Variants in ZNF835 observed in about 807,000 individuals in gnomAD.
The protein encoded by ZNF835 is zinc finger protein 835.
For synonymous variants in ZNF835, 323 were observed against 324.7 expected (o/e 0.99, Z 0.06); for missense variants, 783 against 758.4 (o/e 1.03, Z -0.38).
rs1658159865 is a variant in ZNF835, at chr19:56,664,476, C to T, written c.723G>A (p.Gln241=). ...AGGGCTTCTCACCGGTGTGGATGCG[C>T]TGGTGCTCTATCAGGGACGAGCGGT... ...FRNRSSLIEH[Q]RIHTGEKPYE... The change falls in exon 2 of 2, where the codon CAG becomes CAA. Residue 241 remains glutamine, a synonymous_variant. Coordinates refer to ENST00000537055, the MANE Select transcript of ZNF835 (RefSeq NM_001005850.3). 6.2e-7 allele frequency: 1 copy of T among 1,612,570 alleles called. No individual in the cohort carries two copies. Among genetic ancestry groups the T allele is most frequent in the African/African-American group, 1.3e-5 (1 of 74,666 alleles).
rs755880909 is a variant in ZNF835, at chr19:56,664,479, G to C, written c.720C>G (p.His240Gln). 3 of 1,612,516 alleles carry C rather than the reference G, an allele frequency of 1.9e-6. No homozygotes were observed. Reference sequence around the variant, plus strand: ...GCTTCTCACCGGTGTGGATGCGCTGGTGCTCTATCAGGGACGAGCGGTTGC... The same window carrying C: ...GCTTCTCACCGGTGTGGATGCGCTGCTGCTCTATCAGGGACGAGCGGTTGC... ...AFRNRSSLIE[H>Q]QRIHTGEKPY... is the part of the protein sequence containing the mutation. The change falls in exon 2 of 2, where the codon CAC (histidine) becomes CAG (glutamine). Residue 240 changes from histidine to glutamine, a missense_variant. Transcript: ENST00000537055.
rs1423159517 is a variant in ZNF835, at chr19:56,663,909, G to T, written c.1290C>A (p.Gly430=). Residue 430 remains glycine, a synonymous_variant, in exon 2 of 2, where the codon GGC becomes GGA. Transcript: ENST00000537055. The part of the protein sequence containing the change: ...CGECGKAFSQ[G]SSLALHQRTH... ...TGCGCTGGTGCAGGGCGAGCGAGGA[G>T]CCCTGGCTGAAAGCTTTGCCGCACT... The T allele has an allele frequency of 6.8e-6, 11 of 1,610,486 alleles. No individual in the cohort carries two copies. The highest frequency in any genetic ancestry group is 2.7e-5 in the African/African-American group (2 of 74,018).
rs749539152 is a variant in ZNF835, at chr19:56,664,201, G to A, written c.998C>T (p.Pro333Leu). 6.2e-7 allele frequency: 1 copy of A among 1,606,110 alleles called. No homozygotes were observed. Among genetic ancestry groups the A allele is most frequent in the South Asian group, 1.1e-5 (1 of 90,260 alleles). Residue 333 changes from proline to leucine, a missense_variant, in exon 2 of 2, where the codon CCC becomes CTC. By Grantham distance (98) the Pro-to-Leu change is moderately conservative. Coordinates refer to ENST00000537055, the MANE Select transcript of ZNF835 (RefSeq NM_001005850.3). ...CTTGGCGCACTGGCCGCACGCGTAG[G>A]GCTTCTCGCCTGTGTGGATGCGCCG... ...EHRRIHTGEKPYACGQCAKAF... is the reference protein window; with the variant it reads ...EHRRIHTGEKLYACGQCAKAF...
chr19:56,663,753 G>C lies in ZNF835; in HGVS notation c.1446C>G (p.Ala482=). ...GGATGAGCGCGGAGGAGAAGCTGAA[G>C]GCCTTCCCGCAGCCGCTGCACTCGT... ...KPYECSGCGK[A]FSFSSALIRH... is the part of the protein sequence containing the mutation. Residue 482 remains alanine (A), a synonymous_variant, in exon 2 of 2, where the codon GCC becomes GCG. Transcript: ENST00000537055. The C allele has an allele frequency of 6.2e-7, 1 of 1,613,970 alleles. No homozygotes were observed. The highest frequency in any genetic ancestry group is 1.1e-5 in the South Asian group (1 of 91,084).
Position 56,662,985 on chromosome 19 carries a change from C to T in ZNF835, c.*600G>A, listed in dbSNP as rs2148050890. ...CCATCCTAGCCAACATGGTGAAACC[C>T]CGCCTCTACTAAAATACAAAAAAAC... On this transcript the variant is annotated 3_prime_UTR_variant, in exon 2 of 2. Transcript: ENST00000537055. 6.5e-6 allele frequency: 1 copy of T among 152,796 alleles called. No individual in the cohort carries two copies. The highest frequency in any genetic ancestry group is 1.9e-4 in the East Asian group (1 of 5,174). 9.5% of individuals were successfully genotyped at this position (152,796 alleles called of 1,614,324 possible).
intron 1 of ZNF835, among the ~76,000 whole-genome samples, chr19:56,670,504 G>A (rs1236388010): frequency 6.6e-6 from 1 of 152,070 alleles, no homozygotes; most frequent in Non-Finnish European, 1.5e-5. Flanking sequence ...ACTCACACAT[G>A]CACACAGGGT....
intron 1 of ZNF835, among the ~76,000 whole-genome samples, chr19:56,670,057 G>A (rs1201043138): frequency 4.3e-5 from 1 of 23,044 alleles, no homozygotes; most frequent in Non-Finnish European, 8.5e-5. Context: ...AAATGTACTT[G>A]GGGGCCTATC....
In ZNF835 at chr19:56,663,776, CGTAGGGCTTCTCCCCGGT is replaced by C. The variant is rs775844599; in HGVS notation, c.1405_1422del (p.Thr469_Tyr474del). 2.5e-6 allele frequency: 4 copies of C among 1,613,796 alleles called. No individual in the cohort carries two copies. Among genetic ancestry groups the C allele is most frequent in the Non-Finnish European group, 3.4e-6 (4 of 1,179,916 alleles). ...AAGGCCTTCCCGCAGCCGCTGCACTCGTAGGGCTTCTCCCCGGTGTGCACGATGTGGTGCTGGATCAGG... is the reference window on the plus strand; with the variant it reads ...AAGGCCTTCCCGCAGCCGCTGCACTCGTGCACGATGTGGTGCTGGATCAGG... On this transcript the variant is annotated inframe_deletion, in exon 2 of 2. Transcript: ENST00000537055.
rs780914280 is a variant in ZNF835, at chr19:56,664,415, A to G, written c.784T>C (p.Ser262Pro). ...CSACAKAFRF[S>P]SALIRHQRIH... Reference sequence around the variant, plus strand: ...CGCTGGTGGCGGATGAGCGCTGAGGAGAAGCGGAAGGCCTTGGCGCACGCG... The same window carrying G: ...CGCTGGTGGCGGATGAGCGCTGAGGGGAAGCGGAAGGCCTTGGCGCACGCG... The change falls in exon 2 of 2, where the codon TCC becomes CCC. Residue 262 changes from serine to proline, a missense_variant. Physicochemically the swap from Ser to Pro is moderately conservative, Grantham distance 74. Coordinates refer to ENST00000537055, the MANE Select transcript of ZNF835 (RefSeq NM_001005850.3). 7.5e-6 allele frequency: 12 copies of G among 1,607,078 alleles called. 1 individual carries two copies. The Admixed American group carries it at 8.4e-5, about 11-fold the overall frequency.
At chr19:56,668,132 G>T (rs1409955170) in intron 1 of ZNF835, among the ~76,000 whole-genome samples, 6 of 151,928 alleles carry the variant, frequency 3.9e-5, no homozygotes, top group Non-Finnish European at 8.8e-5. Context: ...TGCATAGCTG[G>T]GATTACAGGC....
chr19:56,671,024 C>T (rs2045285482), intron 1 of ZNF835, among the ~76,000 whole-genome samples: 1 of 152,270 alleles, frequency 6.6e-6, no homozygotes, highest in Non-Finnish European at 1.5e-5. Context: ...CCTGGGCTGG[C>T]ACCACTGAGT....
In ZNF835 at chr19:56,664,643, G is replaced by A; in HGVS notation, c.556C>T (p.Arg186Cys). 1 of 1,608,908 alleles carries A rather than the reference G, an allele frequency of 6.2e-7. No homozygotes were observed. Among genetic ancestry groups the A allele is most frequent in the Non-Finnish European group, 8.5e-7 (1 of 1,177,926 alleles). ...SQGSYLASHW[R>C]THTGEKPHRC... The stretch of plus-strand genomic sequence containing the variant: ...TGCGGCTTCTCGCCCGTGTGCGTGC[G>A]CCAGTGGGACGCCAGGTACGAGCCC... The change falls in exon 2 of 2, where the codon CGC (arginine) becomes TGC (cysteine). Residue 186 changes from arginine to cysteine, a missense_variant. Arg to Cys is a radical substitution (Grantham distance 180). Coordinates refer to ENST00000537055, the MANE Select transcript of ZNF835 (RefSeq NM_001005850.3).
Position 56,664,392 on chromosome 19 carries a change from C to A in ZNF835, c.807G>T (p.Gln269His), listed in dbSNP as rs1221821995. 1.2e-5 allele frequency: 19 copies of A among 1,611,548 alleles called. No homozygotes were observed. Among genetic ancestry groups the A allele is most frequent in the Non-Finnish European group, 1.5e-5 (18 of 1,179,116 alleles). The change falls in exon 2 of 2, where the codon CAG (glutamine) becomes CAT (histidine). Residue 269 changes from glutamine (Q) to histidine (H), a missense_variant. Coordinates refer to ENST00000537055, the MANE Select transcript of ZNF835 (RefSeq NM_001005850.3). ...AGGGCTTCTCCTCCGTGTGGATGCG[C>A]TGGTGGCGGATGAGCGCTGAGGAGA... ...FRFSSALIRH[Q>H]RIHTEEKPYR...
rs1047588143 is a variant in ZNF835 at position 56,664,172 on chromosome 19, A to C, written c.1027T>G (p.Phe343Val). The part of the protein sequence containing the change: ...PYACGQCAKA[F>V]TQVSHLTQHQ... Reference sequence around the variant, plus strand: ...TGCGTCAGGTGCGACACCTGGGTGAAGGCCTTGGCGCACTGGCCGCACGCG... The same window carrying C: ...TGCGTCAGGTGCGACACCTGGGTGACGGCCTTGGCGCACTGGCCGCACGCG... The change falls in exon 2 of 2, where the codon TTC becomes GTC. Residue 343 changes from phenylalanine to valine, a missense_variant. Physicochemically the swap from Phe to Val is conservative, Grantham distance 50. Transcript: ENST00000537055. 2.0e-5 allele frequency: 33 copies of C among 1,611,624 alleles called. 1 individual carries two copies. The highest frequency in any genetic ancestry group is 2.1e-5 in the Non-Finnish European group (25 of 1,179,386).
Position 56,663,903 on chromosome 19 carries a change from C to G in ZNF835, c.1296G>C (p.Ser432=), listed in dbSNP as rs765038829. ...TGTGCGTGCGCTGGTGCAGGGCGAG[C>G]GAGGAGCCCTGGCTGAAAGCTTTGC... ...ECGKAFSQGS[S]LALHQRTHTG... The change falls in exon 2 of 2, where the codon TCG becomes TCC. Residue 432 remains serine, a synonymous_variant. Transcript: ENST00000537055. 1.9e-6 allele frequency: 3 copies of G among 1,561,868 alleles called. No individual in the cohort carries two copies. Among genetic ancestry groups the G allele is most frequent in the Non-Finnish European group, 2.6e-6 (3 of 1,156,464 alleles).
At position 56,662,477 on chromosome 19, in the gene ZNF835, A is replaced by G. The variant is rs552003986; in HGVS notation, c.*1108T>C. Reference sequence around the variant, plus strand: ...GATGGGTAGGTGTTTCCTCATACTGAAAAAAAGACTAGGCCCACTCTAAAA... The same window carrying G: ...GATGGGTAGGTGTTTCCTCATACTGGAAAAAAGACTAGGCCCACTCTAAAA... On this transcript the variant is annotated 3_prime_UTR_variant, in exon 2 of 2. Transcript: ENST00000537055. 2.6e-5 allele frequency: 4 copies of G among 152,334 alleles called. No individual in the cohort carries two copies. The highest frequency in any genetic ancestry group is 3.9e-4 in the East Asian group (2 of 5,188). The allele number at this position is 152,334 out of a possible 1,614,324, so 9.4% of individuals were successfully genotyped here. A position where few individuals can be genotyped will look rare whatever the true frequency, so the allele number is the denominator to read the frequency against.
chr19:56,664,389 G>A lies in ZNF835; in HGVS notation c.810C>T (p.Arg270=). 1 of 1,611,564 alleles carries A rather than the reference G, an allele frequency of 6.2e-7. No individual in the cohort carries two copies. Among genetic ancestry groups the A allele is most frequent in the Non-Finnish European group, 8.5e-7 (1 of 1,178,974 alleles). Residue 270 remains arginine, a synonymous_variant, in exon 2 of 2, where the codon CGC becomes CGT. Transcript: ENST00000537055. Reference sequence around the variant, plus strand: ...GGTAGGGCTTCTCCTCCGTGTGGATGCGCTGGTGGCGGATGAGCGCTGAGG... The same window carrying A: ...GGTAGGGCTTCTCCTCCGTGTGGATACGCTGGTGGCGGATGAGCGCTGAGG... The part of the protein sequence containing the change: ...RFSSALIRHQ[R]IHTEEKPYRC...
intron 1 of ZNF835, among the ~76,000 whole-genome samples, chr19:56,667,073 C>G (rs2045252875): frequency 6.6e-6 from 1 of 152,228 alleles, no homozygotes; most frequent in East Asian, 1.9e-4. Context: ...GTTACCCTGT[C>G]TGCTTTGCAC....
chr19:56,668,181 G>T (rs1332072468), intron 1 of ZNF835, among the ~76,000 whole-genome samples: 1 of 151,960 alleles, frequency 6.6e-6, no homozygotes, highest in African/African-American at 2.4e-5. Flanking sequence ...GTATTTAGTA[G>T]AGATGAGGTT....
Sources: allele counts gnomAD v4.1 joint callset (sites outside exome capture counted in the v4.1 genomes callset), GRCh38; gene constraint gnomAD v4.1.1; transcripts MANE v1.5; gene names NCBI Gene and HGNC (gene_info 2026-07-23, HGNC 2026-07-21).